The following RAD54L2 variants were observed in gnomAD, a reference collection of about 807,000 sequenced individuals.
The protein encoded by RAD54L2 is helicase ARIP4.
A neutral mutation model predicts 138.4 loss-of-function variants in RAD54L2; 27 were observed. The ratio of observed to expected loss-of-function variants is 0.20; its 90% CI spans 0.14 to 0.27. The LOEUF is 0.27. RAD54L2 is among the 10% of genes least tolerant of loss of function. The probability of loss-of-function intolerance (pLI) is 1.00; values close to 1 mark genes in which losing one functional copy is unlikely to be tolerated. For synonymous variants in RAD54L2, 644 were observed against 723.2 expected (o/e 0.89, Z 1.76); for missense variants, 1,396 against 1,890.2 (o/e 0.74, Z 4.85).
Position 51,667,113 on chromosome 3 carries a change from G to A in RAD54L2, c.*3693G>A, listed in dbSNP as rs918905332. On this transcript the variant is annotated 3_prime_UTR_variant, in exon 23 of 23. Transcript: ENST00000684192. ...TCATCCCATGGGGAAGGTCTTCTGGGGGCTTTACATTCCTTGTTACTAGTG... is the reference window on the plus strand; with the variant it reads ...TCATCCCATGGGGAAGGTCTTCTGGAGGCTTTACATTCCTTGTTACTAGTG... 4.6e-5 allele frequency: 7 copies of A among 152,050 alleles called. No homozygotes were observed. The highest frequency in any genetic ancestry group is 1.3e-4 in the Admixed American group (2 of 15,266). The allele number at this position is 152,050 out of a possible 1,614,324, so 9.4% of individuals were successfully genotyped here. A position where few individuals can be genotyped will look rare whatever the true frequency, so the allele number is the denominator to read the frequency against.
intron 2 of RAD54L2, among the ~76,000 whole-genome samples, chr3:51,546,275 C>T (rs1260073887): frequency 1.3e-5 from 2 of 151,794 alleles, no homozygotes; most frequent in African/African-American, 4.8e-5. Flanking sequence ...GACAAAATAG[C>T]AGACTGCAAA....
At chr3:51,588,779 T>C (rs1699770641) in intron 2 of RAD54L2, among the ~76,000 whole-genome samples, 2 of 152,154 alleles carry the variant, frequency 1.3e-5, no homozygotes. Flanking sequence ...AGACATAGTA[T>C]AGCAGGTTAG....
intron 3 of RAD54L2, among the ~76,000 whole-genome samples, chr3:51,598,811 A>C (rs946251534): frequency 6.6e-6 from 1 of 152,106 alleles, no homozygotes; most frequent in African/African-American, 2.4e-5. Flanking sequence ...ATAGCTGAAC[A>C]TGCGGAGGTT....
At chr3:51,622,815 A>G (rs1398343788) in intron 3 of RAD54L2, among the ~76,000 whole-genome samples, 1 of 152,218 alleles carries the variant, frequency 6.6e-6, no homozygotes, top group Non-Finnish European at 1.5e-5. Context: ...AGCTCCAGGA[A>G]GGGGACAGGA....
chr3:51,562,124 C>G (rs1379051822), intron 2 of RAD54L2, among the ~76,000 whole-genome samples: 1 of 151,780 alleles, frequency 6.6e-6, no homozygotes, highest in Non-Finnish European at 1.5e-5. Flanking sequence ...CAACCTCTGC[C>G]TCCTGGGTTC....
At chr3:51,628,587 G>T (rs914023067) in intron 4 of RAD54L2, among the ~76,000 whole-genome samples, 1 of 151,748 alleles carries the variant, frequency 6.6e-6, no homozygotes, top group Admixed American at 6.6e-5. Context: ...ACAGGGTTTT[G>T]CCACGTTGGC....
chr3:51,554,422 C>T (rs369198287), intron 2 of RAD54L2, among the ~76,000 whole-genome samples: 1 of 151,158 alleles, frequency 6.6e-6, no homozygotes, highest in Non-Finnish European at 1.5e-5. Context: ...CCCAGCTATT[C>T]GGGATGCAGG....
At chr3:51,632,559 C>T (rs1359346564) in intron 7 of RAD54L2, among the ~76,000 whole-genome samples, 1 of 149,596 alleles carries the variant, frequency 6.7e-6, no homozygotes, top group African/African-American at 2.4e-5. Flanking sequence ...CCTCCCAAAG[C>T]GCCAGGATTA....
At position 51,629,464 on chromosome 3, in the gene RAD54L2, T is replaced by G; in HGVS notation, c.472T>G (p.Phe158Val). ...AAPIPTVPLEFLPEEIALRAS... is the reference protein window; with the variant it reads ...AAPIPTVPLEVLPEEIALRAS... ...CCCTATTCCTACTGTTCCGCTGGAG[T>G]TCCTCCCTGGTAAGCAGTGGACATG... Residue 158 changes from phenylalanine (F) to valine (V), a missense_variant, in exon 5 of 23, where the codon TTC becomes GTC. Phe to Val is a conservative substitution (Grantham distance 50). Coordinates refer to ENST00000684192, the MANE Select transcript of RAD54L2 (RefSeq NM_015106.4). The G allele has an allele frequency of 6.2e-7, 1 of 1,612,426 alleles. No homozygotes were observed. Among genetic ancestry groups the G allele is most frequent in the Non-Finnish European group, 8.5e-7 (1 of 1,179,368 alleles).
At chr3:51,593,887 C>T (rs926011712) in intron 3 of RAD54L2, among the ~76,000 whole-genome samples, 13 of 151,930 alleles carry the variant, frequency 8.6e-5, no homozygotes, top group Non-Finnish European at 1.3e-4. Context: ...TGTTTTTCTA[C>T]GTAAATATTT....
intron 2 of RAD54L2, among the ~76,000 whole-genome samples, chr3:51,581,694 G>A (rs1253080486): frequency 6.6e-6 from 1 of 152,206 alleles, no homozygotes; most frequent in African/African-American, 2.4e-5. Context: ...TTTGAGAAGA[G>A]ACTGGCAAGG....
intron 2 of RAD54L2, among the ~76,000 whole-genome samples, chr3:51,545,255 G>C (rs1437129013): frequency 6.6e-6 from 1 of 151,900 alleles, no homozygotes; most frequent in Non-Finnish European, 1.5e-5. Flanking sequence ...GCAGTGGTGT[G>C]ATCTCAGCTC....
chr3:51,604,624 C>A (rs1307087084), intron 3 of RAD54L2, among the ~76,000 whole-genome samples: 1 of 152,152 alleles, frequency 6.6e-6, no homozygotes, highest in African/African-American at 2.4e-5. Context: ...GCATGATCTC[C>A]TTAATATAGT....
chr3:51,638,441 G>A lies in RAD54L2; in HGVS notation c.1860+120G>A. 4 of 1,211,058 alleles carry A rather than the reference G, an allele frequency of 3.3e-6. No homozygotes were observed. The highest frequency in any genetic ancestry group is 4.6e-6 in the Non-Finnish European group (4 of 862,112). The allele number at this position is 1,211,058 out of a possible 1,614,324, so 75.0% of individuals were successfully genotyped here. ...AATAAAGTGAGAGGGGGCCACCTCA[G>A]TTCACTGCACTGGAGGTTTGGGGGC... On this transcript the variant is annotated intron_variant, in intron 12 of 22. Transcript: ENST00000684192. This position sits in a 1 kb window ranked among gnomAD's most constrained non-coding sequence, Gnocchi z 4.3.
intron 3 of RAD54L2, among the ~76,000 whole-genome samples, chr3:51,607,826 G>T (rs572471284): frequency 6.6e-6 from 1 of 151,056 alleles, no homozygotes; most frequent in East Asian, 2.0e-4. Context: ...TCACCTCCCA[G>T]ACGGGGCGGC....
intron 3 of RAD54L2, among the ~76,000 whole-genome samples, chr3:51,613,232 C>T (rs1012387190): frequency 1.1e-4 from 17 of 152,080 alleles, no homozygotes; most frequent in Admixed American, 4.6e-4. Flanking sequence ...CCACCACGCC[C>T]GGCCCCACGC....
At chr3:51,634,358 ATTTTTTTT>A (rs61565460) in intron 9 of RAD54L2, among the ~76,000 whole-genome samples, 9 of 94,964 alleles carry the variant, frequency 9.5e-5, no homozygotes, top group East Asian at 7.0e-4. Flanking sequence ...CCACTGTCTG[ATTTTTTTT>A]TTTTTTTTTT....
At chr3:51,575,396 G>T (rs1208189403) in intron 2 of RAD54L2, among the ~76,000 whole-genome samples, 1 of 152,096 alleles carries the variant, frequency 6.6e-6, no homozygotes, top group African/African-American at 2.4e-5. Context: ...AAAGTCATTG[G>T]TAGCTTCATG....
intron 2 of RAD54L2, among the ~76,000 whole-genome samples, chr3:51,585,600 T>G (rs1468915444): frequency 6.6e-6 from 1 of 152,202 alleles, no homozygotes. Context: ...CAGGTGGCGT[T>G]GTCTTTGAAC....
Sources: allele counts gnomAD v4.1 joint callset (sites outside exome capture counted in the v4.1 genomes callset), GRCh38; gene constraint gnomAD v4.1.1; non-coding constraint Gnocchi (gnomAD v3.1); transcripts MANE v1.5; gene names NCBI Gene and HGNC (gene_info 2026-07-23, HGNC 2026-07-21).